MAGI2: variants seen among roughly 807,000 people sequenced by gnomAD.
MAGI2 encodes the protein membrane-associated guanylate kinase, WW and PDZ domain-containing protein 2.
In MAGI2, 35 loss-of-function variants were observed where a neutral mutation model predicts 133.3. That is an observed-to-expected ratio of 0.26 (90% CI 0.20 to 0.35). MAGI2 has a LOEUF of 0.35. MAGI2 is among the 10% of genes least tolerant of loss of function. The pLI, the probability that MAGI2 is intolerant of heterozygous loss-of-function variation, is 1.00. For missense variants in MAGI2, 1,636 were observed against 1,863.4 expected (o/e 0.88, Z 2.25); for synonymous variants, 729 against 710.6 (o/e 1.03, Z -0.41).
intron 1 of MAGI2, among the ~76,000 whole-genome samples, chr7:79,431,779 C>T (rs1847795702): frequency 6.6e-6 from 1 of 152,156 alleles, no homozygotes; most frequent in African/African-American, 2.4e-5. Flanking sequence ...GTCTGTGTTG[C>T]AGTTTGTGGT....
intron 1 of MAGI2, among the ~76,000 whole-genome samples, chr7:79,167,374 A>G (rs549972898): frequency 6.8e-6 from 1 of 146,038 alleles, no homozygotes; most frequent in African/African-American, 2.5e-5. Flanking sequence ...ATATGAGAGT[A>G]AACTAACACC....
intron 7 of MAGI2, among the ~76,000 whole-genome samples, chr7:78,351,331 A>G (rs1257340280): frequency 6.6e-6 from 1 of 152,114 alleles, no homozygotes; most frequent in African/African-American, 2.4e-5. Context: ...ACACGGCAAA[A>G]TCCCGTCTCT....
intron 2 of MAGI2, among the ~76,000 whole-genome samples, chr7:78,787,804 T>C (rs977883387): frequency 3.9e-5 from 6 of 152,208 alleles, no homozygotes; most frequent in Non-Finnish European, 8.8e-5. Flanking sequence ...TTTTAACATT[T>C]GATGGAGCCA....
intron 2 of MAGI2, among the ~76,000 whole-genome samples, chr7:78,668,710 T>A (rs1171995477): frequency 6.6e-6 from 1 of 152,058 alleles, no homozygotes; most frequent in African/African-American, 2.4e-5. Context: ...ACGGAAATTA[T>A]AACAAACTGT....
intron 2 of MAGI2, among the ~76,000 whole-genome samples, chr7:78,676,058 G>A (rs531987401): frequency 6.6e-6 from 1 of 152,170 alleles, no homozygotes; most frequent in Admixed American, 6.6e-5. Context: ...CTTTGGACAA[G>A]GGCAATGTCA....
chr7:78,676,254 ATAAT>A (rs1375551694), intron 2 of MAGI2, among the ~76,000 whole-genome samples: 1 of 152,204 alleles, frequency 6.6e-6, no homozygotes, highest in Non-Finnish European at 1.5e-5. Flanking sequence ...AAATGAACTC[ATAAT>A]ATGTGGCTTC....
intron 1 of MAGI2, among the ~76,000 whole-genome samples, chr7:79,084,335 G>A (rs1229656267): frequency 1.3e-5 from 2 of 151,616 alleles, no homozygotes; most frequent in Non-Finnish European, 3.0e-5. Context: ...ATGCATTTCA[G>A]TATGTTCTGT....
chr7:79,429,984 C>T (rs1379229100), intron 1 of MAGI2, among the ~76,000 whole-genome samples: 1 of 151,922 alleles, frequency 6.6e-6, no homozygotes, highest in African/African-American at 2.4e-5. Flanking sequence ...GAAAAATGTT[C>T]CCATCAATGA....
At position 78,682,302 on chromosome 7, in the gene MAGI2, C is replaced by T. The variant is rs537648039; in HGVS notation, c.419-55063G>A. ...GATTTGTTACATAGGTATACGTGTG[C>T]CATGGTGGTTTGCTGCACCAATCGA... On this transcript the variant is annotated intron_variant, in intron 2 of 21. Coordinates refer to ENST00000354212, the MANE Select transcript of MAGI2 (RefSeq NM_012301.4). Among the ~76,000 whole-genome samples, 6 of 151,322 alleles carry T rather than the reference C, an allele frequency of 4.0e-5. No individual in the cohort carries two copies. In the East Asian group the frequency reaches 5.8e-4, roughly 15 times the overall value.
chr7:78,610,847 C>A (rs1806361883), intron 3 of MAGI2, among the ~76,000 whole-genome samples: 1 of 152,110 alleles, frequency 6.6e-6, no homozygotes, highest in East Asian at 1.9e-4. Flanking sequence ...GCGAGTCATC[C>A]CGTTTTGGAA....
chr7:78,649,236 G>GAAGA (rs1811259479), intron 2 of MAGI2, among the ~76,000 whole-genome samples: 1 of 88,188 alleles, frequency 1.1e-5, no homozygotes, highest in South Asian at 4.2e-4. Flanking sequence ...AAAAAAAAAA[G>GAAGA]AAAAAAAAAG....
chr7:78,769,921 T>C (rs1299305896), intron 2 of MAGI2, among the ~76,000 whole-genome samples: 2 of 152,078 alleles, frequency 1.3e-5, no homozygotes, highest in Non-Finnish European at 2.9e-5. Flanking sequence ...AATTAGACAC[T>C]TCTGAGTCAA....
chr7:78,599,160 A>G lies in MAGI2; in HGVS notation c.538+27960T>C, dbSNP rs191753353. On this transcript the variant is annotated intron_variant, in intron 3 of 21. Transcript: ENST00000354212. ...TGTTCAAGTAAAAATCAATTTTTAG[A>G]AATTAACGAATCATATGGCTTCCAC... Among the ~76,000 whole-genome samples the G allele has an allele frequency of 6.3e-4, 96 of 152,320 alleles. 1 individual carries two copies. Among genetic ancestry groups the G allele is most frequent in the South Asian group, 1.7e-3 (8 of 4,824 alleles).
chr7:78,268,646 A>T (rs959271239), intron 9 of MAGI2, among the ~76,000 whole-genome samples: 7 of 152,156 alleles, frequency 4.6e-5, no homozygotes, highest in African/African-American at 1.7e-4. Context: ...GTTTGTTTAT[A>T]TAAGCTTATA....
chr7:78,842,534 C>A (rs1164314619), intron 2 of MAGI2, among the ~76,000 whole-genome samples: 1 of 151,498 alleles, frequency 6.6e-6, no homozygotes, highest in Non-Finnish European at 1.5e-5. Flanking sequence ...GCTAGTAATC[C>A]GTTTGTTTAT....
chr7:78,226,230 C>T (rs1789363555), intron 10 of MAGI2, among the ~76,000 whole-genome samples: 1 of 151,306 alleles, frequency 6.6e-6, no homozygotes, highest in South Asian at 2.1e-4. Flanking sequence ...AGGTCTAGGT[C>T]ATAGATTCTG....
intron 2 of MAGI2, among the ~76,000 whole-genome samples, chr7:78,765,382 C>G (rs947392911): frequency 1.6e-5 from 2 of 124,916 alleles, no homozygotes; most frequent in African/African-American, 6.1e-5. Context: ...GAGTCTCGCT[C>G]TTGTCAACAA....
chr7:78,091,859 C>G (rs73706515), intron 20 of MAGI2, among the ~76,000 whole-genome samples: 2 of 152,266 alleles, frequency 1.3e-5, no homozygotes, highest in African/African-American at 4.8e-5. Context: ...ACATTGTTTG[C>G]AAATACATAT....
chr7:78,650,378 TGGA>T (rs755192985), intron 2 of MAGI2, among the ~76,000 whole-genome samples: 2 of 151,936 alleles, frequency 1.3e-5, no homozygotes, highest in Non-Finnish European at 2.9e-5. Context: ...ATGGGTTGGG[TGGA>T]GAAGTGGGAA....
Sources: allele counts gnomAD v4.1 joint callset (sites outside exome capture counted in the v4.1 genomes callset), GRCh38; gene constraint gnomAD v4.1.1; transcripts MANE v1.5; gene names NCBI Gene and HGNC (gene_info 2026-07-23, HGNC 2026-07-21).